The following KAZN variants were observed in gnomAD, a reference collection of about 807,000 sequenced individuals.
The protein encoded by KAZN is kazrin, periplakin interacting protein.
KAZN carries 40 observed loss-of-function variants against 87.4 expected under a neutral mutation model. That is an observed-to-expected ratio of 0.46 (90% CI 0.36 to 0.60). KAZN has a LOEUF of 0.60. KAZN is among the 20% of genes least tolerant of loss of function. The probability of loss-of-function intolerance (pLI) is 0.00; values close to 1 mark genes in which losing one functional copy is unlikely to be tolerated. For synonymous variants in KAZN, 466 were observed against 458.3 expected (o/e 1.02, Z -0.22); for missense variants, 898 against 1,073.9 (o/e 0.84, Z 2.29).
At chr1:14,428,334 C>T (rs1665858040) in intron 2 of KAZN, among the ~76,000 whole-genome samples, 1 of 152,142 alleles carries the variant, frequency 6.6e-6, no homozygotes, top group Non-Finnish European at 1.5e-5. Context: ...ATACCCTCCC[C>T]ATTCAAATGT....
chr1:14,578,646 A>T (rs188302329), intron 2 of KAZN, among the ~76,000 whole-genome samples: 20 of 152,340 alleles, frequency 1.3e-4, no homozygotes, highest in Admixed American at 2.0e-4. Flanking sequence ...GCCAAAATTT[A>T]AAAATGCATG....
intron 2 of KAZN, among the ~76,000 whole-genome samples, chr1:14,214,300 T>C (rs149339804): frequency 9.1e-4 from 138 of 152,308 alleles, no homozygotes; most frequent in Non-Finnish European, 1.5e-3. Flanking sequence ...TATCGGTTTG[T>C]TGTCTTTCTT....
chr1:14,101,003 T>C (rs956085609), intron 1 of KAZN, among the ~76,000 whole-genome samples: 1 of 152,230 alleles, frequency 6.6e-6, no homozygotes, highest in Non-Finnish European at 1.5e-5. Flanking sequence ...CTCCTTGCCT[T>C]CCGCCATAAT....
intron 1 of KAZN, among the ~76,000 whole-genome samples, chr1:14,806,485 C>T (rs182679328): frequency 1.2e-3 from 183 of 152,274 alleles, no homozygotes; most frequent in African/African-American, 4.0e-3. Context: ...CTTTCTCAGC[C>T]GGATGGCTCT....
At chr1:14,118,935 T>A (rs942137912) in intron 1 of KAZN, among the ~76,000 whole-genome samples, 1 of 152,160 alleles carries the variant, frequency 6.6e-6, no homozygotes, top group African/African-American at 2.4e-5. Flanking sequence ...CTTCTCTCAC[T>A]AGGTTGTCAG....
intron 2 of KAZN, among the ~76,000 whole-genome samples, chr1:14,383,196 T>C (rs1368921622): frequency 6.6e-6 from 1 of 152,090 alleles, no homozygotes; most frequent in Non-Finnish European, 1.5e-5. Flanking sequence ...TTTGAGTTCA[T>C]TGTAGATTCT....
chr1:14,776,049 G>A (rs10927545), intron 1 of KAZN, among the ~76,000 whole-genome samples: 65,927 of 151,908 alleles, frequency 0.43, 14,823 homozygotes, highest in East Asian at 0.62. Context: ...TTGCTCTGAC[G>A]CCCAGGCTGG....
intron 1 of KAZN, among the ~76,000 whole-genome samples, chr1:14,721,565 T>C (rs573992912): frequency 2.0e-5 from 3 of 152,232 alleles, no homozygotes; most frequent in Non-Finnish European, 4.4e-5. Flanking sequence ...GTTCGAGGTC[T>C]GGTTGTGTTG....
chr1:14,859,210 CAAAA>C (rs1195192834), intron 1 of KAZN, among the ~76,000 whole-genome samples: 2 of 97,520 alleles, frequency 2.1e-5, no homozygotes, highest in Admixed American at 1.1e-4. Context: ...GACCCCGTCT[CAAAA>C]AAAAAAAAAA....
chr1:15,004,044 G>A (rs921659892), intron 2 of KAZN, among the ~76,000 whole-genome samples: 5 of 152,166 alleles, frequency 3.3e-5, no homozygotes, highest in African/African-American at 7.2e-5. Flanking sequence ...TCTTGGCACC[G>A]TGGAAGGTGC....
At chr1:15,001,839 G>A (rs1291726682) in intron 2 of KAZN, among the ~76,000 whole-genome samples, 2 of 148,766 alleles carry the variant, frequency 1.3e-5, no homozygotes, top group Admixed American at 6.7e-5. Context: ...TTCTTCTGGC[G>A]ATGTCCCTCT....
intron 1 of KAZN, among the ~76,000 whole-genome samples, chr1:14,838,543 C>T (rs1647554567): frequency 6.6e-6 from 1 of 152,154 alleles, no homozygotes; most frequent in African/African-American, 2.4e-5. Flanking sequence ...AAACCATGCT[C>T]AATTAGGTTC....
At chr1:13,895,789 A>G (rs896741380) in intron 1 of KAZN, among the ~76,000 whole-genome samples, 4 of 152,120 alleles carry the variant, frequency 2.6e-5, no homozygotes, top group Non-Finnish European at 5.9e-5. Context: ...AGTACCTACT[A>G]TGTACTGTGC....
intron 1 of KAZN, among the ~76,000 whole-genome samples, chr1:14,092,894 C>T (rs753932949): frequency 3.9e-5 from 6 of 152,112 alleles, no homozygotes; most frequent in Non-Finnish European, 5.9e-5. Flanking sequence ...ATGAAATAAT[C>T]GTATTTAGGA....
At position 14,491,477 on chromosome 1, in the gene KAZN, G is replaced by A. The variant is rs1417697209; in HGVS notation, c.250-107506G>A. ...AGTCCCCTACCCGCCGACAGGTCCC[G>A]GTGTGTGATATTCCCCTCCCTGTGT... On this transcript the variant is annotated intron_variant, in intron 2 of 16. Transcript: ENST00000636203. Among the ~76,000 whole-genome samples the A allele has an allele frequency of 4.6e-5, 7 of 152,178 alleles. No homozygotes were observed. The East Asian group carries it at 5.8e-4, about 13-fold the overall frequency.
chr1:14,700,904 G>C (rs1641884984), intron 1 of KAZN, among the ~76,000 whole-genome samples: 1 of 152,150 alleles, frequency 6.6e-6, no homozygotes, highest in Admixed American at 6.5e-5. Context: ...ATACATTCTT[G>C]GATGGTTCTT....
intron 1 of KAZN, among the ~76,000 whole-genome samples, chr1:13,935,696 A>G (rs981093351): frequency 6.6e-6 from 1 of 152,182 alleles, no homozygotes; most frequent in Admixed American, 6.5e-5. Context: ...AATCCCCGCT[A>G]TAAATATTAC....
intron 2 of KAZN, among the ~76,000 whole-genome samples, chr1:14,392,240 CAA>C (rs1179012017): frequency 1.3e-5 from 2 of 151,960 alleles, no homozygotes; most frequent in African/African-American, 4.8e-5. Context: ...ATGTCTTTGT[CAA>C]AAGTTTTAGA....
At chr1:14,858,892 A>T (rs1342348286) in intron 1 of KAZN, among the ~76,000 whole-genome samples, 4 of 152,156 alleles carry the variant, frequency 2.6e-5, no homozygotes, top group Non-Finnish European at 5.9e-5. Context: ...TCTCGTGAAG[A>T]TCCATGAGAT....
Sources: gnomAD v4.1 joint callset for allele counts (sites outside exome capture counted in the v4.1 genomes callset) on GRCh38, gnomAD v4.1.1 for gene constraint, MANE v1.5 for transcripts, NCBI Gene and HGNC (gene_info 2026-07-23, HGNC 2026-07-21) for gene names.